Variants in CNTNAP2 observed in about 807,000 individuals in gnomAD.
CNTNAP2 encodes the protein contactin-associated protein-like 2.
In CNTNAP2, 98 loss-of-function variants were observed where a neutral mutation model predicts 155.2. The ratio of observed to expected loss-of-function variants is 0.63; its 90% CI spans 0.54 to 0.75. The LOEUF (loss-of-function observed/expected upper bound fraction) is 0.75. Among genes scored for constraint, CNTNAP2 ranks in the 30% least tolerant of loss-of-function variants. The pLI is 0.00. For missense variants in CNTNAP2, 1,727 were observed against 1,688.1 expected (o/e 1.02, Z -0.40); for synonymous variants, 651 against 631.2 (o/e 1.03, Z -0.47).
At chr7:147,071,426 C>T (rs1799889710) in intron 4 of CNTNAP2, among the ~76,000 whole-genome samples, 1 of 152,096 alleles carries the variant, frequency 6.6e-6, no homozygotes, top group Non-Finnish European at 1.5e-5. Context: ...ATGCATCCCT[C>T]TCTTGTACCA....
intron 1 of CNTNAP2, among the ~76,000 whole-genome samples, chr7:146,700,855 T>C (rs1344749980): frequency 1.3e-5 from 2 of 152,052 alleles, no homozygotes; most frequent in African/African-American, 4.8e-5. Flanking sequence ...AACTGAGATA[T>C]AATCCATCAA....
chr7:146,934,164 C>T (rs922911170), intron 3 of CNTNAP2, among the ~76,000 whole-genome samples: 2 of 151,808 alleles, frequency 1.3e-5, no homozygotes, highest in Admixed American at 1.3e-4. Context: ...CGGCACTATT[C>T]ACAATAGCAA....
chr7:146,344,130 T>C (rs890976992), intron 1 of CNTNAP2, among the ~76,000 whole-genome samples: 2 of 152,204 alleles, frequency 1.3e-5, no homozygotes, highest in African/African-American at 4.8e-5. Context: ...AGAAAACTTT[T>C]TTTGTTGCAA....
intron 13 of CNTNAP2, among the ~76,000 whole-genome samples, chr7:147,865,352 C>T (rs938634355): frequency 1.5e-4 from 23 of 152,162 alleles, no homozygotes; most frequent in African/African-American, 5.6e-4. Context: ...AAGATTTCCC[C>T]ATCGATGCTT....
intron 1 of CNTNAP2, among the ~76,000 whole-genome samples, chr7:146,178,791 T>G (rs1279521950): frequency 6.6e-6 from 1 of 152,202 alleles, no homozygotes; most frequent in Admixed American, 6.5e-5. Context: ...AAATTATTCT[T>G]TCAGTTCTGT....
At chr7:147,453,493 T>TG (rs1400738860) in intron 10 of CNTNAP2, among the ~76,000 whole-genome samples, 3 of 152,192 alleles carry the variant, frequency 2.0e-5, no homozygotes, top group Non-Finnish European at 4.4e-5. Context: ...GCACAGGGCT[T>TG]GGTTCACAGG....
chr7:146,156,627 G>T (rs898442827), intron 1 of CNTNAP2, among the ~76,000 whole-genome samples: 4 of 151,528 alleles, frequency 2.6e-5, no homozygotes, highest in African/African-American at 9.7e-5. Context: ...TTTTTAAATG[G>T]AGTCTCACTC....
At chr7:147,777,520 C>T (rs1797603742) in intron 13 of CNTNAP2, among the ~76,000 whole-genome samples, 1 of 152,154 alleles carries the variant, frequency 6.6e-6, no homozygotes, top group Non-Finnish European at 1.5e-5. Context: ...CTACTTGGGT[C>T]AGCCCTATAG....
At chr7:146,316,581 G>A (rs534539820) in intron 1 of CNTNAP2, among the ~76,000 whole-genome samples, 2 of 152,084 alleles carry the variant, frequency 1.3e-5, no homozygotes, top group Non-Finnish European at 1.5e-5. Context: ...AAGTCCACCC[G>A]TGGTGGGAGA....
intron 22 of CNTNAP2, among the ~76,000 whole-genome samples, chr7:148,393,764 C>T (rs899748688): frequency 4.6e-5 from 7 of 152,122 alleles, no homozygotes; most frequent in African/African-American, 1.7e-4. Context: ...TGTGGCTGTT[C>T]TATATGAAAA....
At chr7:147,003,555 TAAAATCAGTCAATAGAAAATATTTA>T (rs1319290097) in intron 3 of CNTNAP2, among the ~76,000 whole-genome samples, 3 of 151,938 alleles carry the variant, frequency 2.0e-5, no homozygotes, top group African/African-American at 7.2e-5. Flanking sequence ...AAATCTCAAC[TAAAATCAGTCAATAGAAAATATTTA>T]AAATTAATAA....
chr7:147,881,598 A>C (rs1799521125), intron 13 of CNTNAP2, among the ~76,000 whole-genome samples: 2 of 152,228 alleles, frequency 1.3e-5, no homozygotes, highest in African/African-American at 2.4e-5. Flanking sequence ...GGTTTTATAA[A>C]TGTTTGTAAG....
At chr7:147,648,745 C>T (rs1375735068) in intron 13 of CNTNAP2, among the ~76,000 whole-genome samples, 7 of 152,096 alleles carry the variant, frequency 4.6e-5, no homozygotes, top group Admixed American at 1.3e-4. Context: ...TCCCACAACA[C>T]GTGGGAATTG....
chr7:146,701,993 A>C (rs1800886044), intron 1 of CNTNAP2, among the ~76,000 whole-genome samples: 1 of 152,190 alleles, frequency 6.6e-6, no homozygotes, highest in Non-Finnish European at 1.5e-5. Context: ...GCTTCGCTGG[A>C]GAGTGAAATA....
chr7:146,516,881 G>A (rs1043780333), intron 1 of CNTNAP2, among the ~76,000 whole-genome samples: 2 of 151,872 alleles, frequency 1.3e-5, no homozygotes, highest in African/African-American at 4.8e-5. Flanking sequence ...AATCTTTCTT[G>A]CAGTGAAAAT....
chr7:147,704,964 T>C (rs1407249468), intron 13 of CNTNAP2, among the ~76,000 whole-genome samples: 1 of 152,142 alleles, frequency 6.6e-6, no homozygotes, highest in Non-Finnish European at 1.5e-5. Flanking sequence ...TCTTTATTTC[T>C]TGGCTTGTCT....
chr7:147,293,537 A>G (rs762752894), intron 8 of CNTNAP2, among the ~76,000 whole-genome samples: 4 of 152,196 alleles, frequency 2.6e-5, no homozygotes, highest in Admixed American at 6.5e-5. Flanking sequence ...TTCATATTCT[A>G]GGAAATTTTG....
rs534099014 is a variant in CNTNAP2 at position 146,983,578 on chromosome 7, T to C, written c.403-60329T>C. Among the ~76,000 whole-genome samples, 13 of 152,324 alleles carry C rather than the reference T, an allele frequency of 8.5e-5. No homozygotes were observed. In the South Asian group the frequency reaches 2.7e-3, roughly 32 times the overall value. On this transcript the variant is annotated intron_variant, in intron 3 of 23. Coordinates refer to ENST00000361727, the MANE Select transcript of CNTNAP2 (RefSeq NM_014141.6). ...GATTCAAATGTGATACTCTCTTCCA[T>C]ATTACATTTGAATCTTCTTTTTCCA...
At chr7:147,746,555 C>G (rs1797045742) in intron 13 of CNTNAP2, among the ~76,000 whole-genome samples, 1 of 152,058 alleles carries the variant, frequency 6.6e-6, no homozygotes, top group African/African-American at 2.4e-5. Flanking sequence ...AACCTGCTCC[C>G]AGTTCCTCTG....
Sources: gnomAD v4.1 joint callset for allele counts (sites outside exome capture counted in the v4.1 genomes callset) on GRCh38, gnomAD v4.1.1 for gene constraint, MANE v1.5 for transcripts, NCBI Gene and HGNC (gene_info 2026-07-23, HGNC 2026-07-21) for gene names.